GPHN: variants seen among roughly 807,000 people sequenced by gnomAD.
GPHN encodes gephyrin.
Under a neutral mutation model 95.5 loss-of-function variants are expected in GPHN, and 17 were observed. The ratio of observed to expected loss-of-function variants is 0.18; its 90% CI spans 0.12 to 0.27. The LOEUF is 0.27. Among genes scored for constraint, GPHN ranks in the 10% least tolerant of loss-of-function variants. The probability of loss-of-function intolerance (pLI) is 1.00; values close to 1 mark genes in which losing one functional copy is unlikely to be tolerated. For missense variants in GPHN, 660 were observed against 978.1 expected, an observed-to-expected ratio of 0.67 and a Z score of 4.34; for synonymous variants, 320 against 322.5, an observed-to-expected ratio of 0.99 and a Z score of 0.08.
the GPHN span, chr14:67,335,488 T>G: frequency 6.6e-6 from 1 of 152,638 alleles, no homozygotes; most frequent in Non-Finnish European, 1.5e-5. Flanking sequence ...ATAACTTTGT[T>G]TCTCAAATTT....
the GPHN span, among the ~76,000 whole-genome samples, chr14:67,215,938 A>G: frequency 6.6e-6 from 1 of 152,180 alleles, no homozygotes; most frequent in Non-Finnish European, 1.5e-5. Flanking sequence ...AATGCCCTAA[A>G]CCATTAGATT....
chr14:66,522,584 G>T (rs190865777), intron 1 of GPHN, among the ~76,000 whole-genome samples: 1 of 152,052 alleles, frequency 6.6e-6, no homozygotes, highest in Non-Finnish European at 1.5e-5. Flanking sequence ...CCTGAGTTCT[G>T]TTCAACACCT....
At chr14:67,152,125 G>A (rs181308734) in intron 18 of GPHN, among the ~76,000 whole-genome samples, 2 of 152,160 alleles carry the variant, frequency 1.3e-5, no homozygotes, top group East Asian at 1.9e-4. Flanking sequence ...ACTGTACCTC[G>A]TTTTTGTAAA....
intron 12 of GPHN, among the ~76,000 whole-genome samples, chr14:67,091,461 C>T (rs2077143784): frequency 6.6e-6 from 1 of 151,190 alleles, no homozygotes; most frequent in South Asian, 2.1e-4. Flanking sequence ...CTGTGTTGAT[C>T]TTACAATTTG....
the GPHN span, among the ~76,000 whole-genome samples, chr14:67,356,444 A>C: frequency 4.9e-5 from 7 of 142,074 alleles, no homozygotes; most frequent in Non-Finnish European, 8.8e-5. Context: ...CAAAAAAAAA[A>C]AAACAAAAAC....
chr14:67,725,200 T>C, the GPHN span: 2 of 1,613,982 alleles, frequency 1.2e-6, no homozygotes, highest in Non-Finnish European at 8.5e-7. Flanking sequence ...GGTGCGGAAA[T>C]TGGACCTATC....
At chr14:67,589,432 A>T in the GPHN span, 27 of 964,152 alleles carry the variant, frequency 2.8e-5, no homozygotes, top group Non-Finnish European at 3.2e-5. Context: ...GAACTGATAT[A>T]AAAAAAAATG....
At chr14:66,545,950 C>T (rs998089386) in intron 1 of GPHN, among the ~76,000 whole-genome samples, 2 of 149,458 alleles carry the variant, frequency 1.3e-5, no homozygotes, top group Non-Finnish European at 3.0e-5. Flanking sequence ...GGCTGCCGGG[C>T]GGTGACGCTC....
At position 67,113,178 on chromosome 14, in the gene GPHN, A is replaced by G. The variant is rs1327828306; in HGVS notation, c.1626+7A>G. 5 of 1,612,240 alleles carry G rather than the reference A, an allele frequency of 3.1e-6. No homozygotes were observed. The South Asian group carries it at 5.5e-5, about 18-fold the overall frequency. On this transcript the variant is annotated splice_region_variant and intron_variant, in intron 16 of 22. Transcript: ENST00000478722. ...CATGTCAACAGGGAATGAGGTATTA[A>G]AAATAAAAATGGAGGGAGTGGGGAG...
At chr14:66,515,945 AT>A (rs2058222553) in intron 1 of GPHN, among the ~76,000 whole-genome samples, 1 of 151,956 alleles carries the variant, frequency 6.6e-6, no homozygotes, top group Non-Finnish European at 1.5e-5. Flanking sequence ...TTTATATTTT[AT>A]TTTTTAAGTA....
chr14:66,724,976 G>T (rs971381508), intron 2 of GPHN, among the ~76,000 whole-genome samples: 1 of 152,180 alleles, frequency 6.6e-6, no homozygotes, highest in East Asian at 1.9e-4. Flanking sequence ...CTGATTGCCA[G>T]TGTGACTGTG....
chr14:67,338,797 A>G, the GPHN span: 32 of 1,573,262 alleles, frequency 2.0e-5, no homozygotes, highest in South Asian at 1.4e-4. Flanking sequence ...TTTTTTAAAC[A>G]CTGTTTCAAT....
chr14:66,760,425 G>C (rs564912449), intron 2 of GPHN: 1 of 165,458 alleles, frequency 6.0e-6, no homozygotes, highest in African/African-American at 2.4e-5. Context: ...ATTTATATGA[G>C]GTCTGTCAAA....
chr14:66,787,461 G>T (rs1447045859), intron 3 of GPHN, among the ~76,000 whole-genome samples: 1 of 152,036 alleles, frequency 6.6e-6, no homozygotes, highest in African/African-American at 2.4e-5. Context: ...GTGTTTTGTG[G>T]CTATAAAATT....
chr14:66,827,373 A>G (rs148339937), intron 4 of GPHN, among the ~76,000 whole-genome samples: 1 of 152,188 alleles, frequency 6.6e-6, no homozygotes, highest in East Asian at 1.9e-4. Flanking sequence ...GAAATTCCCA[A>G]GGGTTTTATG....
the GPHN span, chr14:67,592,301 G>T: frequency 4.7e-6 from 2 of 427,370 alleles, no homozygotes; most frequent in African/African-American, 2.1e-5. Context: ...TTAGCCAGGC[G>T]AGATGGTGCA....
intron 7 of GPHN, among the ~76,000 whole-genome samples, chr14:66,923,350 G>A (rs1383799755): frequency 1.3e-5 from 2 of 151,698 alleles, no homozygotes; most frequent in Non-Finnish European, 2.9e-5. Context: ...AATGAGTTGG[G>A]AAAGATTAAT....
the GPHN span, among the ~76,000 whole-genome samples, chr14:67,512,651 C>A: frequency 6.6e-6 from 1 of 152,094 alleles, no homozygotes. Flanking sequence ...CCGATAAGAC[C>A]AAGCTGCCTC....
intron 19 of GPHN, among the ~76,000 whole-genome samples, chr14:67,161,752 CA>C (rs60217233): frequency 1.2e-4 from 17 of 143,838 alleles, no homozygotes; most frequent in Admixed American, 1.4e-4. Flanking sequence ...GACCCTGCCT[CA>C]AAAAAAAAAA....
Sources: gnomAD v4.1 joint callset for allele counts (sites outside exome capture counted in the v4.1 genomes callset) on GRCh38, gnomAD v4.1.1 for gene constraint, MANE v1.5 for transcripts, NCBI Gene and HGNC (gene_info 2026-07-23, HGNC 2026-07-21) for gene names.